The following FSTL5 variants were observed in gnomAD, a reference collection of about 807,000 sequenced individuals.
FSTL5 encodes the protein follistatin like 5.
In FSTL5, 62 loss-of-function variants were observed where a neutral mutation model predicts 89.1. The ratio of observed to expected loss-of-function variants is 0.70; its 90% confidence interval spans 0.57 to 0.86. The LOEUF (loss-of-function observed/expected upper bound fraction) is 0.86. Among genes scored for constraint, FSTL5 ranks in the 40% least tolerant of loss-of-function variants. The pLI is 0.00. For synonymous variants in FSTL5, 383 were observed against 346.2 expected, an observed-to-expected ratio of 1.11 and a Z score of -1.18; for missense variants, 1,057 against 1,001.6, an observed-to-expected ratio of 1.06 and a Z score of -0.75.
chr4:161,821,075 T>C (rs996980159), intron 4 of FSTL5, among the ~76,000 whole-genome samples: 1 of 152,186 alleles, frequency 6.6e-6, no homozygotes, highest in Non-Finnish European at 1.5e-5. Context: ...TCTCATTCTG[T>C]CACCCAGGCT....
intron 3 of FSTL5, among the ~76,000 whole-genome samples, chr4:161,929,683 G>GTGTGTGTATA (rs1553983463): frequency 0.015 from 1,469 of 98,232 alleles, 20 homozygotes; most frequent in African/African-American, 0.047. Context: ...GTGTGTGTGT[G>GTGTGTGTATA]TGTGTGTGTG....
intron 3 of FSTL5, among the ~76,000 whole-genome samples, chr4:161,981,924 T>C (rs1735838211): frequency 6.6e-6 from 1 of 152,232 alleles, no homozygotes; most frequent in Non-Finnish European, 1.5e-5. Context: ...TAACTTTAGT[T>C]ACCTCAAATT....
intron 2 of FSTL5, among the ~76,000 whole-genome samples, chr4:162,095,166 AAT>A (rs1285838793): frequency 6.6e-6 from 1 of 152,112 alleles, no homozygotes; most frequent in Non-Finnish European, 1.5e-5. Context: ...ATAACTATAA[AAT>A]TACATTGAAT....
At chr4:161,781,139 C>G (rs1250345435) in intron 4 of FSTL5, among the ~76,000 whole-genome samples, 6 of 151,628 alleles carry the variant, frequency 4.0e-5, no homozygotes, top group Non-Finnish European at 8.8e-5. Context: ...TAATAAAACA[C>G]AAATATTTTA....
At chr4:161,940,193 A>G (rs1471229829) in intron 3 of FSTL5, among the ~76,000 whole-genome samples, 1 of 151,810 alleles carries the variant, frequency 6.6e-6, no homozygotes, top group Non-Finnish European at 1.5e-5. Context: ...GCAAGCAGAA[A>G]ACATAATTAG....
At chr4:162,083,436 T>C (rs17041914) in intron 2 of FSTL5, among the ~76,000 whole-genome samples, 4,397 of 151,842 alleles carry the variant, frequency 0.029, 155 homozygotes, top group East Asian at 0.086. Context: ...GTGTAAAATA[T>C]TGACTCTCTT....
chr4:161,430,981 GGA>G (rs79675513), intron 15 of FSTL5, among the ~76,000 whole-genome samples: 20,940 of 151,938 alleles, frequency 0.14, 1,716 homozygotes, highest in East Asian at 0.24. Context: ...CTTCAAACCT[GGA>G]GAAATAGAAT....
intron 3 of FSTL5, among the ~76,000 whole-genome samples, chr4:161,974,811 A>G (rs1735586438): frequency 6.7e-6 from 1 of 149,564 alleles, no homozygotes; most frequent in South Asian, 2.1e-4. Context: ...CAGAGTGAAC[A>G]GGCAACCTAC....
At chr4:161,901,625 A>C (rs1238909134) in intron 4 of FSTL5, among the ~76,000 whole-genome samples, 1 of 152,168 alleles carries the variant, frequency 6.6e-6, no homozygotes, top group African/African-American at 2.4e-5. Context: ...GTGTGGTTAG[A>C]AAAAAACAAG....
At position 161,541,169 on chromosome 4, in the gene FSTL5, T is replaced by A. The variant is rs113775031; in HGVS notation, c.1177+1363A>T. Among the ~76,000 whole-genome samples the A allele has an allele frequency of 7.7e-3, 1,176 of 152,212 alleles. 14 individuals carry two copies. Among genetic ancestry groups the A allele is most frequent in the African/African-American group, 0.027 (1,112 of 41,570 alleles). ...AGCCACATGGAGTTTTATACCCCTA[T>A]GTGTGTAGAATTATCTCTTCTCTCC... is the stretch of plus-strand genomic sequence containing the variant. On this transcript the variant is annotated intron_variant, in intron 9 of 15. Coordinates refer to ENST00000306100, the MANE Select transcript of FSTL5 (RefSeq NM_020116.5).
chr4:161,846,627 G>C (rs1224345247), intron 4 of FSTL5, among the ~76,000 whole-genome samples: 1 of 151,958 alleles, frequency 6.6e-6, no homozygotes, highest in Non-Finnish European at 1.5e-5. Flanking sequence ...TATTCTCATT[G>C]TTTCATTTTT....
At chr4:162,002,612 T>C (rs963160909) in intron 3 of FSTL5, among the ~76,000 whole-genome samples, 3 of 152,226 alleles carry the variant, frequency 2.0e-5, no homozygotes, top group African/African-American at 7.2e-5. Context: ...TGCTAGTTTC[T>C]AGTTCTCTAC....
At chr4:161,508,713 C>T (rs10013665) in intron 11 of FSTL5, among the ~76,000 whole-genome samples, 2,577 of 151,962 alleles carry the variant, frequency 0.017, 66 homozygotes, top group African/African-American at 0.058. Flanking sequence ...ATAATGTTCA[C>T]GGTGGTTACC....
intron 3 of FSTL5, among the ~76,000 whole-genome samples, chr4:162,019,558 G>A (rs893123592): frequency 7.9e-5 from 12 of 151,842 alleles, no homozygotes; most frequent in Admixed American, 5.3e-4. Flanking sequence ...ATGGTGGATT[G>A]TATTAAATAC....
At chr4:161,670,974 T>G (rs1330567066) in intron 6 of FSTL5, among the ~76,000 whole-genome samples, 1 of 152,176 alleles carries the variant, frequency 6.6e-6, no homozygotes, top group Non-Finnish European at 1.5e-5. Context: ...GGAATCTTCT[T>G]TCTAATGCAC....
chr4:161,753,910 C>T (rs1293507014), intron 6 of FSTL5, among the ~76,000 whole-genome samples: 1 of 151,850 alleles, frequency 6.6e-6, no homozygotes, highest in Non-Finnish European at 1.5e-5. Flanking sequence ...GGCGTGGTGG[C>T]TGGCGCCTGT....
intron 15 of FSTL5, among the ~76,000 whole-genome samples, chr4:161,418,650 T>G (rs1042994327): frequency 1.3e-5 from 2 of 152,240 alleles, no homozygotes; most frequent in Admixed American, 1.3e-4. Context: ...GGTTTTTATT[T>G]AGAAGACTGG....
intron 4 of FSTL5, among the ~76,000 whole-genome samples, chr4:161,814,504 C>A (rs941448245): frequency 1.3e-5 from 2 of 152,020 alleles, no homozygotes; most frequent in Non-Finnish European, 2.9e-5. Context: ...GCTAGTTAAC[C>A]TTAGCTTCAG....
chr4:162,041,234 T>C (rs1737942488), intron 2 of FSTL5, among the ~76,000 whole-genome samples: 1 of 147,020 alleles, frequency 6.8e-6, no homozygotes, highest in Non-Finnish European at 1.5e-5. Context: ...AAGGAGTTTA[T>C]CTCCATAGCA....
Sources: gnomAD v4.1 joint callset for allele counts (sites outside exome capture counted in the v4.1 genomes callset) on GRCh38, gnomAD v4.1.1 for gene constraint, MANE v1.5 for transcripts, NCBI Gene and HGNC (gene_info 2026-07-23, HGNC 2026-07-21) for gene names.